MACROD2: variants seen among roughly 807,000 people sequenced by gnomAD.
MACROD2 encodes ADP-ribose glycohydrolase MACROD2.
In MACROD2, 36 loss-of-function variants were observed where a neutral mutation model predicts 70.4. The ratio of observed to expected loss-of-function variants is 0.51; its 90% CI spans 0.39 to 0.68. The LOEUF is 0.68. MACROD2 is among the 30% of genes least tolerant of loss of function. MACROD2 has a pLI of 0.00. For synonymous variants in MACROD2, 172 were observed against 178.8 expected (o/e 0.96, Z 0.30); for missense variants, 496 against 538.4 (o/e 0.92, Z 0.78).
At chr20:15,239,257 A>G (rs192960982) in intron 6 of MACROD2, among the ~76,000 whole-genome samples, 264 of 150,184 alleles carry the variant, frequency 1.8e-3, no homozygotes, top group South Asian at 0.017. Context: ...TGAACTCAGA[A>G]ACCAAAGGAG....
intron 3 of MACROD2, among the ~76,000 whole-genome samples, chr20:14,436,337 A>T (rs2084055943): frequency 6.6e-6 from 1 of 152,174 alleles, no homozygotes; most frequent in Non-Finnish European, 1.5e-5. Flanking sequence ...AAATATAAAC[A>T]ATGTACCTTC....
rs550204634 is a variant in MACROD2, at chr20:15,478,555, G to GTC, written c.572-21218_572-21217insCT. 7.9e-3 allele frequency among the ~76,000 whole-genome samples: 37 copies of GTC among 4,672 alleles called. 1 individual carries two copies. Among genetic ancestry groups the GTC allele is most frequent in the South Asian group, 9.8e-3 (1 of 102 alleles). 3.1% of individuals were successfully genotyped at this position (4,672 alleles called of 152,430 possible). A position where few individuals can be genotyped will look rare whatever the true frequency, so the allele number is the denominator to read the frequency against. ...CGTGCATGACTGTGTGTGTGTGTCT[G>GTC]TGTGTGTGTGTGTGTGTGTTTCTTC... is the stretch of plus-strand genomic sequence containing the variant. On this transcript the variant is annotated intron_variant, in intron 7 of 17. Coordinates refer to ENST00000684519, the MANE Select transcript of MACROD2 (RefSeq NM_001351661.2).
intron 5 of MACROD2, among the ~76,000 whole-genome samples, chr20:15,036,048 G>C (rs1483704992): frequency 2.6e-5 from 4 of 152,114 alleles, no homozygotes; most frequent in Non-Finnish European, 5.9e-5. Flanking sequence ...GGGAAATAAA[G>C]CACAAATAAA....
intron 3 of MACROD2, among the ~76,000 whole-genome samples, chr20:14,278,226 A>G (rs530084281): frequency 1.2e-4 from 19 of 152,352 alleles, no homozygotes; most frequent in South Asian, 1.0e-3. Flanking sequence ...ATTTCCAAAA[A>G]GTTAATAATT....
intron 5 of MACROD2, among the ~76,000 whole-genome samples, chr20:15,108,642 T>C (rs924879914): frequency 3.3e-5 from 5 of 152,232 alleles, no homozygotes; most frequent in Non-Finnish European, 7.3e-5. Flanking sequence ...CACCATCTTA[T>C]TGAATATCTT....
chr20:15,561,336 G>C (rs982487557), intron 8 of MACROD2, among the ~76,000 whole-genome samples: 1 of 152,210 alleles, frequency 6.6e-6, no homozygotes, highest in African/African-American at 2.4e-5. Context: ...CTTTTCCTCA[G>C]GATCTGTAGA....
At chr20:14,716,355 C>T (rs550198680) in intron 5 of MACROD2, among the ~76,000 whole-genome samples, 1 of 152,290 alleles carries the variant, frequency 6.6e-6, no homozygotes, top group East Asian at 1.9e-4. Flanking sequence ...CTTCCTTACT[C>T]TTGCACTGTG....
chr20:14,996,883 C>T (rs1209652565), intron 5 of MACROD2, among the ~76,000 whole-genome samples: 1 of 152,190 alleles, frequency 6.6e-6, no homozygotes, highest in Non-Finnish European at 1.5e-5. Flanking sequence ...TGAAGTGCTC[C>T]ATTGTAGTCC....
intron 5 of MACROD2, among the ~76,000 whole-genome samples, chr20:15,180,308 T>A (rs866781394): frequency 6.6e-6 from 1 of 152,256 alleles, no homozygotes; most frequent in Non-Finnish European, 1.5e-5. Flanking sequence ...TACTTTTTTT[T>A]ATCCGTTTAG....
At chr20:15,345,648 G>T (rs1031137414) in intron 6 of MACROD2, among the ~76,000 whole-genome samples, 2 of 152,286 alleles carry the variant, frequency 1.3e-5, no homozygotes, top group African/African-American at 4.8e-5. Flanking sequence ...CTTTAAATGT[G>T]GCTAACGCGA....
intron 7 of MACROD2, 95 bp from the exon 8 acceptor site, chr20:15,499,679 G>A: frequency 9.1e-7 from 1 of 1,096,474 alleles, no homozygotes; most frequent in Non-Finnish European, 1.4e-6. Context: ...ACTGAATGTT[G>A]TTTAAATGAG....
chr20:14,493,207 A>C (rs1159970904), intron 3 of MACROD2, among the ~76,000 whole-genome samples: 1 of 152,030 alleles, frequency 6.6e-6, no homozygotes, highest in Non-Finnish European at 1.5e-5. Context: ...TGAGAATAAA[A>C]CAGTCTCAAT....
Position 14,626,031 on chromosome 20 carries a change from GATT to G in MACROD2, c.302-58810_302-58808del, listed in dbSNP as rs1984131395. On this transcript the variant is annotated intron_variant, in intron 4 of 17. Coordinates refer to ENST00000684519, the MANE Select transcript of MACROD2 (RefSeq NM_001351661.2). ...AGTAGACACAGGGTTTCACCTTGTT[GATT>G]AGGCTGGTCTCAAACTTGTGACCTC... 2.6e-5 allele frequency among the ~76,000 whole-genome samples: 4 copies of G among 152,104 alleles called. No homozygotes were observed. In the South Asian group the frequency reaches 8.3e-4, roughly 32 times the overall value.
intron 4 of MACROD2, among the ~76,000 whole-genome samples, chr20:14,639,332 T>A (rs78088753): frequency 0.023 from 3,566 of 152,258 alleles, 61 homozygotes; most frequent in Admixed American, 0.036. Context: ...TCTTCAACTC[T>A]CCCCATTCAC....
At chr20:14,617,403 C>T (rs1210448390) in intron 4 of MACROD2, among the ~76,000 whole-genome samples, 5 of 151,912 alleles carry the variant, frequency 3.3e-5, no homozygotes, top group African/African-American at 4.8e-5. Flanking sequence ...GAGACTTTAC[C>T]CTTCTTTGCA....
chr20:15,564,977 AAT>A (rs1172894881), intron 8 of MACROD2, among the ~76,000 whole-genome samples: 4 of 152,296 alleles, frequency 2.6e-5, no homozygotes, highest in African/African-American at 9.6e-5. Context: ...TTCACCTTTA[AAT>A]TTTGCCAGTT....
At chr20:15,259,182 T>TAACAAC (rs145254296) in intron 6 of MACROD2, among the ~76,000 whole-genome samples, 26,182 of 151,330 alleles carry the variant, frequency 0.17, 3,284 homozygotes, top group African/African-American at 0.36. Flanking sequence ...GGTAATTTTT[T>TAACAAC]AACAACAACA....
intron 5 of MACROD2, among the ~76,000 whole-genome samples, chr20:14,853,393 G>C (rs894486050): frequency 6.6e-6 from 1 of 151,864 alleles, no homozygotes; most frequent in Admixed American, 6.6e-5. Context: ...GTTTTTTCTG[G>C]TTGACTGGAA....
intron 8 of MACROD2, among the ~76,000 whole-genome samples, chr20:15,789,834 A>G (rs1471805561): frequency 2.0e-5 from 3 of 152,096 alleles, no homozygotes; most frequent in African/African-American, 7.2e-5. Flanking sequence ...AAAGCTCTAC[A>G]AAAATGCATG....
Sources: allele counts gnomAD v4.1 joint callset (sites outside exome capture counted in the v4.1 genomes callset), GRCh38; gene constraint gnomAD v4.1.1; transcripts MANE v1.5; gene names NCBI Gene and HGNC (gene_info 2026-07-23, HGNC 2026-07-21).